Variants in XKR6 observed in about 807,000 individuals in gnomAD.
XKR6 encodes the protein XK related 6, also known as XK-related protein 6.
A neutral mutation model predicts 56.7 loss-of-function variants in XKR6; 22 were observed. That is an observed-to-expected ratio of 0.39 (90% CI 0.28 to 0.55). The LOEUF is 0.55. Among genes scored for constraint, XKR6 ranks in the 20% least tolerant of loss-of-function variants. The pLI, the probability that XKR6 is intolerant of heterozygous loss-of-function variation, is 0.66. For synonymous variants in XKR6, 524 were observed against 387.8 expected (o/e 1.35, Z -4.13); for missense variants, 852 against 889.0 (o/e 0.96, Z 0.53).
chr8:10,959,365 G>A (rs1340826295), intron 1 of XKR6, among the ~76,000 whole-genome samples: 1 of 152,148 alleles, frequency 6.6e-6, no homozygotes, highest in African/African-American at 2.4e-5. Context: ...AGATGTTATA[G>A]GGAGACTGGT....
intron 1 of XKR6, among the ~76,000 whole-genome samples, chr8:10,938,323 C>T (rs995754455): frequency 6.6e-6 from 1 of 152,204 alleles, no homozygotes; most frequent in Admixed American, 6.5e-5. Context: ...TGAGATGAAC[C>T]CGGTACCTCA....
intron 1 of XKR6, among the ~76,000 whole-genome samples, chr8:11,008,798 G>A (rs752725206): frequency 1.3e-5 from 2 of 152,152 alleles, no homozygotes; most frequent in Non-Finnish European, 2.9e-5. Context: ...ACGGTCAAGC[G>A]CTCATATCAC....
chr8:11,201,422 G>A lies in XKR6; in HGVS notation c.-83C>T, dbSNP rs1229462344. 1.5e-5 allele frequency: 4 copies of A among 261,714 alleles called. No individual in the cohort carries two copies. The highest frequency in any genetic ancestry group is 5.0e-5 in the African/African-American group (2 of 39,666). 16.2% of individuals were successfully genotyped at this position (261,714 alleles called of 1,614,324 possible). ...AGAAGGCAGGGAACGGGGAGGGGGG[G>A]AAACGAATGGAGAGGAAGGGGGGCG... On this transcript the variant is annotated 5_prime_UTR_variant, in exon 1 of 3. Transcript: ENST00000416569.
chr8:10,965,016 C>T (rs920765477), intron 1 of XKR6, among the ~76,000 whole-genome samples: 1 of 152,222 alleles, frequency 6.6e-6, no homozygotes, highest in Non-Finnish European at 1.5e-5. Context: ...CTTCCCTTTC[C>T]TCTCTCTTAA....
In XKR6 at chr8:11,200,720, A is replaced by C; in HGVS notation, c.620T>G (p.Met207Arg). 1 of 1,590,094 alleles carries C rather than the reference A, an allele frequency of 6.3e-7. No individual in the cohort carries two copies. The highest frequency in any genetic ancestry group is 8.5e-7 in the Non-Finnish European group (1 of 1,172,252). ...CGCGCCGTGGACGTAGCCGGCCCCC[A>C]TCATGGGGGGGCCCCGGCTGGTGAG... ...EGLTSRGPPMMGAGYVHGAAR... is the reference protein window; with the variant it reads ...EGLTSRGPPMRGAGYVHGAAR... Residue 207 changes from methionine to arginine, a missense_variant, in exon 1 of 3, where the codon ATG becomes AGG. Coordinates refer to ENST00000416569, the MANE Select transcript of XKR6 (RefSeq NM_173683.4). The surrounding 1 kb of genome is among the most constrained non-coding windows in gnomAD (Gnocchi z 6.4).
chr8:11,139,074 A>T (rs1800547369), intron 1 of XKR6, among the ~76,000 whole-genome samples: 1 of 152,212 alleles, frequency 6.6e-6, no homozygotes, highest in Non-Finnish European at 1.5e-5. Context: ...CTCTATGGCA[A>T]TTTCAGAATA....
intron 1 of XKR6, among the ~76,000 whole-genome samples, chr8:10,957,866 C>T (rs1360490217): frequency 6.6e-6 from 1 of 151,634 alleles, no homozygotes; most frequent in African/African-American, 2.4e-5. Flanking sequence ...GATCCAACAA[C>T]AATATCGAAT....
chr8:11,016,582 G>A (rs1798628675), intron 1 of XKR6, among the ~76,000 whole-genome samples: 1 of 152,174 alleles, frequency 6.6e-6, no homozygotes, highest in Non-Finnish European at 1.5e-5. Context: ...CCCCGACAGC[G>A]CCGCCCTCCG....
intron 1 of XKR6, among the ~76,000 whole-genome samples, chr8:10,967,103 C>T (rs570176134): frequency 5.6e-4 from 86 of 152,300 alleles, no homozygotes; most frequent in Non-Finnish European, 5.1e-4. Flanking sequence ...AAGATCCCTG[C>T]GTCATAGGTC....
chr8:11,181,826 G>C (rs900202894), intron 1 of XKR6, among the ~76,000 whole-genome samples: 8 of 152,102 alleles, frequency 5.3e-5, no homozygotes, highest in African/African-American at 1.7e-4. Flanking sequence ...CTATGACATA[G>C]TATCTTCTTC....
intron 1 of XKR6, among the ~76,000 whole-genome samples, chr8:11,127,821 T>C (rs924387905): frequency 3.3e-5 from 5 of 152,138 alleles, no homozygotes; most frequent in African/African-American, 7.2e-5. Flanking sequence ...GCGCCATTAA[T>C]GTGTCTACCC....
chr8:11,016,202 C>A (rs748287916), intron 1 of XKR6, among the ~76,000 whole-genome samples: 19 of 152,310 alleles, frequency 1.2e-4, no homozygotes, highest in East Asian at 5.8e-4. Context: ...CTAAAAGCCC[C>A]GTCCCCGGGC....
intron 2 of XKR6, among the ~76,000 whole-genome samples, chr8:10,910,553 C>T (rs552251815): frequency 6.6e-6 from 1 of 152,280 alleles, no homozygotes; most frequent in South Asian, 2.1e-4. Flanking sequence ...GCAGGAAAGA[C>T]GACATGTGAG....
chr8:11,090,113 T>C (rs1453381019), intron 1 of XKR6, among the ~76,000 whole-genome samples: 1 of 152,206 alleles, frequency 6.6e-6, no homozygotes, highest in South Asian at 2.1e-4. Flanking sequence ...ACACAGAGTC[T>C]TGCTCAGTCA....
Position 11,166,825 on chromosome 8 carries a change from G to A in XKR6, c.764+33751C>T, listed in dbSNP as rs376799810. Reference sequence around the variant, plus strand: ...TGACCTCAGGTGATCCAACCGCCTCGACCTCTCAAAAACTGCTGAGATTAC... The same window carrying A: ...TGACCTCAGGTGATCCAACCGCCTCAACCTCTCAAAAACTGCTGAGATTAC... On this transcript the variant is annotated intron_variant, in intron 1 of 2. Coordinates refer to ENST00000416569, the MANE Select transcript of XKR6 (RefSeq NM_173683.4). Among the ~76,000 whole-genome samples the A allele has an allele frequency of 3.3e-5, 5 of 151,976 alleles. No homozygotes were observed. The East Asian group carries it at 5.8e-4, about 18-fold the overall frequency.
intron 1 of XKR6, among the ~76,000 whole-genome samples, chr8:10,968,002 C>A (rs1415980985): frequency 6.6e-6 from 1 of 152,144 alleles, no homozygotes; most frequent in Non-Finnish European, 1.5e-5. Context: ...TCACTCGGCG[C>A]CCTCCGGGCT....
chr8:10,997,809 C>G (rs561342677), intron 1 of XKR6, among the ~76,000 whole-genome samples: 5 of 152,264 alleles, frequency 3.3e-5, no homozygotes, highest in East Asian at 3.9e-4. Flanking sequence ...AGAGACTCCA[C>G]GTTCACAAGC....
intron 1 of XKR6, chr8:11,105,749 T>C (rs1798652137): frequency 6.6e-6 from 1 of 152,226 alleles, no homozygotes; most frequent in African/African-American, 2.4e-5. Flanking sequence ...TTGATATTCA[T>C]TTCCAGCCAC....
At chr8:10,984,720 C>CTATATA (rs1212342415) in intron 1 of XKR6, among the ~76,000 whole-genome samples, 2 of 83,234 alleles carry the variant, frequency 2.4e-5, no homozygotes, top group African/African-American at 1.1e-4. Flanking sequence ...CTCTCTCTCT[C>CTATATA]TCTCTCTCTC....
Sources: allele counts gnomAD v4.1 joint callset (sites outside exome capture counted in the v4.1 genomes callset), GRCh38; gene constraint gnomAD v4.1.1; non-coding constraint Gnocchi (gnomAD v3.1); transcripts MANE v1.5; gene names NCBI Gene and HGNC (gene_info 2026-07-23, HGNC 2026-07-21).